Variants in DNAH11 observed in about 807,000 individuals in gnomAD.
The protein encoded by DNAH11 is axonemal beta dynein heavy chain 11.
DNAH11 carries 442 observed loss-of-function variants against 526.0 expected under a neutral mutation model. The ratio of observed to expected loss-of-function variants is 0.84; its 90% CI spans 0.78 to 0.91. The LOEUF is 0.91. Ranked by LOEUF, DNAH11 falls within the 40% of genes least tolerant of loss-of-function variation. The pLI is 0.00. For missense variants in DNAH11, 6,989 were observed against 5,448.7 expected (o/e 1.28, Z -8.90); for synonymous variants, 2,461 against 1,935.9 (o/e 1.27, Z -7.12).
At chr7:21,591,899 T>A (rs1408181195) in intron 14 of DNAH11, among the ~76,000 whole-genome samples, 1 of 152,170 alleles carries the variant, frequency 6.6e-6, no homozygotes, top group African/African-American at 2.4e-5. Flanking sequence ...GTTGACTGCC[T>A]CGTATGTGCC....
intron 55 of DNAH11, 124 bp from the exon 56 acceptor site, chr7:21,773,642 G>T (rs560258105): frequency 2.8e-6 from 2 of 721,702 alleles, no homozygotes; most frequent in South Asian, 2.5e-5. Context: ...ATAAGTTTTC[G>T]TAGGTTATAC....
At chr7:21,772,305 G>A (rs1423952592) in intron 55 of DNAH11, among the ~76,000 whole-genome samples, 2 of 151,570 alleles carry the variant, frequency 1.3e-5, no homozygotes, top group Non-Finnish European at 2.9e-5. Context: ...CTCCTCATAA[G>A]GATCATGGTT....
rs549051878 is a variant in DNAH11 at position 21,756,891 on chromosome 7, C to T, written c.8940+6527C>T. Among the ~76,000 whole-genome samples the T allele has an allele frequency of 3.3e-5, 5 of 152,280 alleles. No individual in the cohort carries two copies. The East Asian group carries it at 9.7e-4, about 29-fold the overall frequency. On this transcript the variant is annotated intron_variant, in intron 54 of 81. Coordinates refer to ENST00000409508, the MANE Select transcript of DNAH11 (RefSeq NM_001277115.2). Reference sequence around the variant, plus strand: ...AATGTGGCACGTGTCTTCCTTTAGTCAAAGTGTCTTTAACTGAGCTTTGAA... The same window carrying T: ...AATGTGGCACGTGTCTTCCTTTAGTTAAAGTGTCTTTAACTGAGCTTTGAA...
intron 44 of DNAH11, among the ~76,000 whole-genome samples, chr7:21,723,533 A>G (rs767627460): frequency 1.3e-5 from 2 of 152,186 alleles, no homozygotes; most frequent in Non-Finnish European, 2.9e-5. Context: ...ATTTATTCTG[A>G]TAATTCATCA....
chr7:21,769,744 CA>C (rs1049324676), intron 55 of DNAH11, among the ~76,000 whole-genome samples: 1 of 152,138 alleles, frequency 6.6e-6, no homozygotes, highest in Non-Finnish European at 1.5e-5. Flanking sequence ...CTCTGCCTCC[CA>C]AAGTGCTGGA....
chr7:21,794,827 T>C (rs1212194010), intron 61 of DNAH11, among the ~76,000 whole-genome samples: 1 of 152,192 alleles, frequency 6.6e-6, no homozygotes, highest in Admixed American at 6.5e-5. Context: ...GAATGTAAGA[T>C]GGCTGAGTGG....
rs1427083702 is a variant in DNAH11, at chr7:21,619,102, C to T, written c.4257C>T (p.Val1419=). Residue 1419 remains valine (V), a splice_region_variant and synonymous_variant, in exon 24 of 82, where the codon GTC becomes GTT. Coordinates refer to ENST00000409508, the MANE Select transcript of DNAH11 (RefSeq NM_001277115.2). ...CTAACTTTTTTTCCCCCAATCAGGTCAAGTTTTTAATAAATGAAGCCACAA... is the reference window on the plus strand; with the variant it reads ...CTAACTTTTTTTCCCCCAATCAGGTTAAGTTTTTAATAAATGAAGCCACAA... ...HWHQLMKAIG[V]KFLINEATTL... 4 of 1,613,238 alleles carry T rather than the reference C, an allele frequency of 2.5e-6. No homozygotes were observed. The highest frequency in any genetic ancestry group is 3.4e-6 in the Non-Finnish European group (4 of 1,179,594).
chr7:21,861,807 C>G (rs748199738), intron 68 of DNAH11, 46 bp from the exon 69 acceptor site: 8 of 1,604,610 alleles, frequency 5.0e-6, no homozygotes, highest in African/African-American at 1.3e-5. Context: ...AGCTAGACAT[C>G]CAGGCACCAG....
At chr7:21,633,471 T>G (rs1412684938) in intron 25 of DNAH11, among the ~76,000 whole-genome samples, 2 of 152,210 alleles carry the variant, frequency 1.3e-5, no homozygotes, top group African/African-American at 4.8e-5. Context: ...AATATTTGAT[T>G]TATATATTTA....
intron 35 of DNAH11, 146 bp from the exon 36 acceptor site, chr7:21,697,929 G>A: frequency 1.3e-6 from 1 of 772,556 alleles, no homozygotes; most frequent in Middle Eastern, 3.8e-4. Flanking sequence ...TTGAAGTGAA[G>A]GGTCTTATTA....
At chr7:21,720,974 C>A in intron 44 of DNAH11, 118 bp downstream of exon 44, 2 of 1,266,654 alleles carry the variant, frequency 1.6e-6, no homozygotes, top group Admixed American at 2.9e-5. Context: ...TACTGCTTGC[C>A]CTGTTCTCTC....
intron 35 of DNAH11, among the ~76,000 whole-genome samples, chr7:21,697,643 G>C (rs1368322279): frequency 6.6e-6 from 1 of 152,114 alleles, no homozygotes; most frequent in African/African-American, 2.4e-5. Flanking sequence ...TGGTATCTTG[G>C]AATCAGCCAT....
intron 18 of DNAH11, among the ~76,000 whole-genome samples, chr7:21,606,071 C>T (rs539594985): frequency 6.6e-6 from 1 of 152,262 alleles, no homozygotes; most frequent in Non-Finnish European, 1.5e-5. Context: ...TGCCTGTAAT[C>T]CCAGCACTTT....
chr7:21,687,049 A>C, intron 32 of DNAH11, 50 bp from the exon 33 acceptor site: 1 of 1,546,562 alleles, frequency 6.5e-7, no homozygotes, highest in Non-Finnish European at 8.7e-7. Flanking sequence ...CTGATGTTTT[A>C]TGAAAATCTC....
intron 25 of DNAH11, among the ~76,000 whole-genome samples, chr7:21,624,737 G>A (rs1347378710): frequency 6.6e-6 from 1 of 152,056 alleles, no homozygotes; most frequent in Non-Finnish European, 1.5e-5. Context: ...TGCCAATTTT[G>A]TTGGAAGTTT....
intron 25 of DNAH11, among the ~76,000 whole-genome samples, chr7:21,631,909 A>C (rs1032141340): frequency 6.6e-6 from 1 of 152,148 alleles, no homozygotes; most frequent in Non-Finnish European, 1.5e-5. Context: ...CTCTGATCCC[A>C]CATTTCCCTT....
At chr7:21,785,395 G>A (rs531096992) in intron 58 of DNAH11, among the ~76,000 whole-genome samples, 3 of 152,190 alleles carry the variant, frequency 2.0e-5, no homozygotes, top group South Asian at 4.2e-4. Context: ...TGATTATTAT[G>A]CATTCAAATA....
rs751742591 is a variant in DNAH11 at position 21,561,148 on chromosome 7, C to T, written c.960C>T (p.Asp320=). The change falls in exon 5 of 82, where the codon GAC becomes GAT. Residue 320 remains aspartate (D), a synonymous_variant. Transcript: ENST00000409508. ...GCAGCTATTTTCCTACTCTGAAGGA[C>T]ATTTTTCTGGCTGTGGAAAATGGTA... ...KQSSYFPTLK[D]IFLAVENALL... 26 of 1,596,032 alleles carry T rather than the reference C, an allele frequency of 1.6e-5. No individual in the cohort carries two copies. In the African/African-American group the frequency reaches 1.7e-4, roughly 11 times the overall value.
At chr7:21,842,486 G>A (rs936036153) in intron 65 of DNAH11, 58 bp from the exon 66 acceptor site, 81 of 1,394,330 alleles carry the variant, frequency 5.8e-5, no homozygotes, top group Middle Eastern at 1.8e-4. Flanking sequence ...GAATGACACC[G>A]TAGTATCAGT....
Sources: allele counts gnomAD v4.1 joint callset (sites outside exome capture counted in the v4.1 genomes callset), GRCh38; gene constraint gnomAD v4.1.1; transcripts MANE v1.5; gene names NCBI Gene and HGNC (gene_info 2026-07-23, HGNC 2026-07-21).